The following ANKRD55 variants were observed in gnomAD, a reference collection of about 807,000 sequenced individuals.
ANKRD55 encodes the protein ankyrin repeat domain-containing protein 55.
ANKRD55 carries 41 observed loss-of-function variants against 60.6 expected under a neutral mutation model. That is an observed-to-expected ratio of 0.68 (90% CI 0.53 to 0.88). The LOEUF (loss-of-function observed/expected upper bound fraction) is 0.88. ANKRD55 is among the 40% of genes least tolerant of loss of function. ANKRD55 has a pLI of 0.00. For missense variants in ANKRD55, 732 were observed against 767.6 expected, an observed-to-expected ratio of 0.95 and a Z score of 0.55; for synonymous variants, 264 against 290.3, an observed-to-expected ratio of 0.91 and a Z score of 0.92.
intron 2 of ANKRD55, among the ~76,000 whole-genome samples, chr5:56,204,632 C>A (rs542462843): frequency 1.3e-5 from 2 of 152,020 alleles, no homozygotes; most frequent in South Asian, 2.1e-4. Context: ...GAGGCCTCCC[C>A]GACACTGCAG....
At chr5:56,137,107 C>T in intron 7 of ANKRD55, 1 of 1,146,172 alleles carries the variant, frequency 8.7e-7, no homozygotes. Flanking sequence ...ATATGAAAAG[C>T]CACAAAGTAT....
chr5:56,206,672 T>C (rs1282923252), intron 2 of ANKRD55, among the ~76,000 whole-genome samples: 1 of 152,176 alleles, frequency 6.6e-6, no homozygotes, highest in Non-Finnish European at 1.5e-5. Context: ...CAGCAGAATC[T>C]GAACTGTCTC....
In ANKRD55 at chr5:56,118,428, A is replaced by T. The variant is rs191191793; in HGVS notation, c.798-1646T>A. Among the ~76,000 whole-genome samples, 885 of 152,238 alleles carry T rather than the reference A, an allele frequency of 5.8e-3. 5 individuals carry two copies. Among genetic ancestry groups the T allele is most frequent in the African/African-American group, 0.02 (819 of 41,556 alleles). ...ATCACAAGGTCAGGAGATCGAGACCATCCTGGCTAACATGATGAAACCCCG... is the reference window on the plus strand; with the variant it reads ...ATCACAAGGTCAGGAGATCGAGACCTTCCTGGCTAACATGATGAAACCCCG... On this transcript the variant is annotated intron_variant, in intron 8 of 11. Transcript: ENST00000341048.
intron 2 of ANKRD55, among the ~76,000 whole-genome samples, chr5:56,229,821 G>A (rs543428686): frequency 6.6e-6 from 1 of 152,316 alleles, no homozygotes; most frequent in South Asian, 2.1e-4. Context: ...CTATTGCCCT[G>A]TTGTATGGAT....
At chr5:56,140,319 T>C (rs1013076291) in intron 7 of ANKRD55, among the ~76,000 whole-genome samples, 3 of 152,132 alleles carry the variant, frequency 2.0e-5, no homozygotes, top group African/African-American at 7.2e-5. Flanking sequence ...AATGGCAGAG[T>C]ACACCACTTC....
intron 8 of ANKRD55, chr5:56,125,837 A>C (rs1045613630): frequency 3.3e-5 from 5 of 152,172 alleles, no homozygotes; most frequent in Non-Finnish European, 5.9e-5. Context: ...GGGGCATCTA[A>C]AATTATGATA....
intron 7 of ANKRD55, among the ~76,000 whole-genome samples, chr5:56,139,051 T>C (rs984900715): frequency 3.4e-4 from 36 of 105,092 alleles, no homozygotes; most frequent in African/African-American, 1.4e-3. Context: ...TGGGAGATGT[T>C]GGTAACGGGG....
intron 2 of ANKRD55, among the ~76,000 whole-genome samples, chr5:56,210,216 G>A (rs1359596733): frequency 6.6e-6 from 1 of 151,886 alleles, no homozygotes; most frequent in Non-Finnish European, 1.5e-5. Flanking sequence ...GTATTTTTAT[G>A]TTTATGTCCA....
At chr5:56,112,516 A>AAAAAAAAAAC (rs1580942434) in intron 9 of ANKRD55, among the ~76,000 whole-genome samples, 1 of 148,990 alleles carries the variant, frequency 6.7e-6, no homozygotes, top group South Asian at 2.1e-4. Context: ...AAAAAAAAAA[A>AAAAAAAAAAC]AAAAAACAAC....
chr5:56,232,863 C>T lies in ANKRD55; in HGVS notation c.51G>A (p.Gln17=). The change falls in exon 2 of 12, where the codon CAG becomes CAA. Residue 17 remains glutamine, a synonymous_variant. Coordinates refer to ENST00000341048, the MANE Select transcript of ANKRD55 (RefSeq NM_024669.3). ...MDFSTPSVFD[Q]QRGDSSEEVD... is the part of the protein sequence containing the mutation. ...GTTAAAGCAGCATTTTACCTCTTTG[C>T]TGATCAAACACAGAAGGGGTGCTGA... 1.9e-6 allele frequency: 3 copies of T among 1,614,070 alleles called. No homozygotes were observed. The highest frequency in any genetic ancestry group is 2.5e-6 in the Non-Finnish European group (3 of 1,179,978).
At chr5:56,205,147 G>T (rs765013232) in intron 2 of ANKRD55, among the ~76,000 whole-genome samples, 1 of 152,042 alleles carries the variant, frequency 6.6e-6, no homozygotes, top group Non-Finnish European at 1.5e-5. Context: ...TGCAAGCTCC[G>T]CTTCCTGGGT....
intron 5 of ANKRD55, among the ~76,000 whole-genome samples, chr5:56,160,625 C>G (rs2111794560): frequency 6.6e-6 from 1 of 152,330 alleles, no homozygotes; most frequent in Non-Finnish European, 1.5e-5. Context: ...CTGCTTCACT[C>G]CTAGCTGCAT....
chr5:56,155,177 C>G (rs1387706097), intron 6 of ANKRD55, among the ~76,000 whole-genome samples: 2 of 149,132 alleles, frequency 1.3e-5, no homozygotes, highest in African/African-American at 5.0e-5. Flanking sequence ...GGGCTGTGAT[C>G]GTGTCACTGC....
At chr5:56,208,028 G>GT (rs971858738) in intron 2 of ANKRD55, among the ~76,000 whole-genome samples, 7 of 151,806 alleles carry the variant, frequency 4.6e-5, no homozygotes, top group Non-Finnish European at 4.4e-5. Flanking sequence ...TATCCTTTAA[G>GT]TTTTTTTCTA....
chr5:56,140,401 G>T (rs2111752803), intron 7 of ANKRD55, among the ~76,000 whole-genome samples: 1 of 152,286 alleles, frequency 6.6e-6, no homozygotes, highest in Non-Finnish European at 1.5e-5. Flanking sequence ...AGCCTTTTGT[G>T]GGTAGTCACT....
chr5:56,115,248 C>T (rs1357086957), intron 9 of ANKRD55, among the ~76,000 whole-genome samples: 4 of 148,362 alleles, frequency 2.7e-5, no homozygotes, highest in African/African-American at 7.4e-5. Flanking sequence ...AAGCAAACCC[C>T]CAAACCAAAA....
chr5:56,160,819 G>A (rs1449563988), intron 5 of ANKRD55: 1 of 152,228 alleles, frequency 6.6e-6, no homozygotes, highest in East Asian at 1.9e-4. Flanking sequence ...GTTGACTGAA[G>A]TCAACGCTCC....
intron 7 of ANKRD55, among the ~76,000 whole-genome samples, chr5:56,136,574 A>G (rs1757603839): frequency 6.6e-6 from 1 of 152,156 alleles, no homozygotes; most frequent in South Asian, 2.1e-4. Context: ...CTAGACACAG[A>G]CCTTATACCT....
chr5:56,186,691 CTTG>C (rs1465591619), intron 2 of ANKRD55, among the ~76,000 whole-genome samples: 12 of 152,262 alleles, frequency 7.9e-5, no homozygotes, highest in African/African-American at 2.9e-4. Context: ...AAAATAGTCT[CTTG>C]TTGATGATGA....
Sources: allele counts gnomAD v4.1 joint callset (sites outside exome capture counted in the v4.1 genomes callset), GRCh38; gene constraint gnomAD v4.1.1; transcripts MANE v1.5; gene names NCBI Gene and HGNC (gene_info 2026-07-23, HGNC 2026-07-21).